The following CDC6 variants were observed in gnomAD, a reference collection of about 807,000 sequenced individuals.
CDC6 encodes cell division cycle 6.
A neutral mutation model predicts 60.2 loss-of-function variants in CDC6; 46 were observed. The observed-to-expected ratio is 0.76, with a 90% CI of 0.60 to 0.98. The LOEUF is 0.98. Among genes scored for constraint, CDC6 ranks in the 50% least tolerant of loss-of-function variants. CDC6 has a pLI of 0.00. For synonymous variants in CDC6, 210 were observed against 233.2 expected (o/e 0.90, Z 0.90); for missense variants, 596 against 652.9 (o/e 0.91, Z 0.95).
In CDC6 at chr17:40,302,311, T is replaced by G; in HGVS notation, c.*310T>G. The G allele has an allele frequency of 3.1e-6, 1 of 324,136 alleles. No homozygotes were observed. The allele number at this position is 324,136 out of a possible 1,614,324, so 20.1% of individuals were successfully genotyped here. A position where few individuals can be genotyped will look rare whatever the true frequency, so the allele number is the denominator to read the frequency against. On this transcript the variant is annotated 3_prime_UTR_variant, in exon 12 of 12. Coordinates refer to ENST00000209728, the MANE Select transcript of CDC6 (RefSeq NM_001254.4). The stretch of plus-strand genomic sequence containing the variant: ...GTAGAGGAATGTGTGTATATTTACC[T>G]CTTCGTTTGCTCAAACATGAGTGGG...
At position 40,302,283 on chromosome 17, in the gene CDC6, T is replaced by C. The variant is rs1255222930; in HGVS notation, c.*282T>C. On this transcript the variant is annotated 3_prime_UTR_variant, in exon 12 of 12. Coordinates refer to ENST00000209728, the MANE Select transcript of CDC6 (RefSeq NM_001254.4). ...CAATGTGCTTGCAAGTGTACAGATC[T>C]GTGTAGAGGAATGTGTGTATATTTA... is the stretch of plus-strand genomic sequence containing the variant. The C allele has an allele frequency of 2.4e-6, 1 of 419,144 alleles. No homozygotes were observed. The highest frequency in any genetic ancestry group is 4.4e-6 in the Non-Finnish European group (1 of 229,762). 26.0% of individuals were successfully genotyped at this position (419,144 alleles called of 1,614,324 possible). A position where few individuals can be genotyped will look rare whatever the true frequency, so the allele number is the denominator to read the frequency against.
intron 2 of CDC6, among the ~76,000 whole-genome samples, chr17:40,289,942 T>G (rs2032728573): frequency 6.6e-6 from 1 of 151,122 alleles, no homozygotes; most frequent in Non-Finnish European, 1.5e-5. Flanking sequence ...CAATCTGGTC[T>G]CTGAACTCCT....
chr17:40,294,317 T>C (rs1272772941), intron 6 of CDC6, 47 bp from the exon 7 acceptor site: 1 of 1,461,006 alleles, frequency 6.8e-7, no homozygotes, highest in Non-Finnish European at 9.6e-7. Context: ...TAGTTTTCCC[T>C]TTAGGATAAT....
chr17:40,299,730 C>T (rs1287660689), intron 9 of CDC6, among the ~76,000 whole-genome samples: 1 of 149,090 alleles, frequency 6.7e-6, no homozygotes, highest in African/African-American at 2.5e-5. Context: ...GAAACCCCAT[C>T]TCTACAAAAA....
At position 40,293,960 on chromosome 17, in the gene CDC6, T is replaced by C. The variant is rs757928939; in HGVS notation, c.847T>C (p.Leu283=). 1.9e-6 allele frequency: 3 copies of C among 1,612,896 alleles called. No individual in the cohort carries two copies. Among genetic ancestry groups the C allele is most frequent in the Admixed American group, 3.3e-5 (2 of 60,028 alleles). The change falls in exon 6 of 12, where the codon TTG becomes CTG. Residue 283 remains leucine (L), a synonymous_variant. Coordinates refer to ENST00000209728, the MANE Select transcript of CDC6 (RefSeq NM_001254.4). ...TTTCTCTTTTTATAGTGTGTTGGTA[T>C]TGGACGAGATGGATCAACTGGACAG... ...AEKGPMIVLV[L]DEMDQLDSKG... is the part of the protein sequence containing the mutation.
intron 11 of CDC6, 104 bp from the exon 12 acceptor site, chr17:40,301,808 C>G (rs1352521175): frequency 1.0e-6 from 1 of 972,812 alleles, no homozygotes; most frequent in Non-Finnish European, 1.6e-6. Flanking sequence ...GTTTAACTTG[C>G]TTGCCTTTTG....
chr17:40,293,867 G>C, intron 5 of CDC6, 83 bp from the exon 6 acceptor site: 1 of 1,227,794 alleles, frequency 8.1e-7, no homozygotes, highest in South Asian at 1.2e-5. Flanking sequence ...TCAGCTTTAG[G>C]AAAGTGACCT....
intron 8 of CDC6, 38 bp downstream of exon 8, chr17:40,295,494 A>AG (rs2032844432): frequency 1.5e-6 from 2 of 1,309,068 alleles, no homozygotes; most frequent in East Asian, 4.6e-5. Context: ...TATTAAAAAA[A>AG]AAAAAAAAGA....
chr17:40,294,642 A>C (rs2032831806), intron 7 of CDC6, 139 bp downstream of exon 7: 1 of 751,462 alleles, frequency 1.3e-6, no homozygotes, highest in African/African-American at 1.7e-5. Flanking sequence ...TAGTGAGAAC[A>C]TTTTTATGTG....
In CDC6 at chr17:40,295,388, A is replaced by G; in HGVS notation, c.1116A>G (p.Ala372=). The stretch of plus-strand genomic sequence containing the variant: ...GAGATCAGGTTCTGGACAATGCTGC[A>G]GTTCAATTCTGTGCCCGCAAAGTCT... ...VSRDQVLDNA[A]VQFCARKVSA... The change falls in exon 8 of 12, where the codon GCA becomes GCG. Residue 372 remains alanine (A), a synonymous_variant. Transcript: ENST00000209728. 6.2e-7 allele frequency: 1 copy of G among 1,613,612 alleles called. No individual in the cohort carries two copies. The highest frequency in any genetic ancestry group is 8.5e-7 in the Non-Finnish European group (1 of 1,179,598).
At chr17:40,295,200 G>A (rs558219778) in intron 7 of CDC6, among the ~76,000 whole-genome samples, 156 bp from the exon 8 acceptor site, 6 of 152,188 alleles carry the variant, frequency 3.9e-5, no homozygotes, top group South Asian at 2.1e-4. Context: ...ACTCTCAAAC[G>A]TCTCCATTAT....
intron 8 of CDC6, among the ~76,000 whole-genome samples, chr17:40,295,907 TCCTCCTGCC>T (rs1314859648): frequency 3.9e-5 from 6 of 152,012 alleles, no homozygotes; most frequent in Non-Finnish European, 7.4e-5. Context: ...TCCCTTCCCA[TCCTCCTGCC>T]CCTCCTGCTG....
chr17:40,301,372 A>C, intron 10 of CDC6, 96 bp from the exon 11 acceptor site: 1 of 1,164,696 alleles, frequency 8.6e-7, no homozygotes, highest in Non-Finnish European at 1.3e-6. Flanking sequence ...TATTCAGATA[A>C]GTTTTTGCAA....
chr17:40,293,388 T>C lies in CDC6; in HGVS notation c.661-68T>C. The C allele has an allele frequency of 2.1e-5, 26 of 1,226,144 alleles. No individual in the cohort carries two copies. In the South Asian group the frequency reaches 3.1e-4, roughly 14 times the overall value. 76.0% of individuals were successfully genotyped at this position (1,226,144 alleles called of 1,614,324 possible). On this transcript the variant is annotated intron_variant, in intron 4 of 11. Transcript: ENST00000209728. Reference sequence around the variant, plus strand: ...CGTGCTGTTAGCTCTTCAAAGACATTTTAGGCTCTATCAGATCTTTATTTT... The same window carrying C: ...CGTGCTGTTAGCTCTTCAAAGACATCTTAGGCTCTATCAGATCTTTATTTT...
chr17:40,291,279 T>G lies in CDC6; in HGVS notation c.400T>G (p.Ser134Ala), dbSNP rs1167298335. The G allele has an allele frequency of 1.2e-6, 2 of 1,614,136 alleles. No individual in the cohort carries two copies. Among genetic ancestry groups the G allele is most frequent in the Admixed American group, 1.7e-5 (1 of 60,026 alleles). The change falls in exon 3 of 12, where the codon TCT (serine) becomes GCT (alanine). Residue 134 changes from serine to alanine, a missense_variant. Coordinates refer to ENST00000209728, the MANE Select transcript of CDC6 (RefSeq NM_001254.4). ...AAAAAGTCAAGAGATCACAACAAAT[T>G]CTGAGCAGAGATGTCCACTGAAGAA... is the stretch of plus-strand genomic sequence containing the variant. ...VRKSQEITTNSEQRCPLKKES... is the reference protein window; with the variant it reads ...VRKSQEITTNAEQRCPLKKES...
intron 8 of CDC6, 73 bp from the exon 9 acceptor site, chr17:40,296,630 C>T (rs1348986856): frequency 1.1e-5 from 9 of 848,018 alleles, no homozygotes; most frequent in Non-Finnish European, 1.6e-5. Context: ...ATTAATGTGC[C>T]GCTTTTGAGG....
intron 10 of CDC6, 94 bp from the exon 11 acceptor site, chr17:40,301,373 GT>G: frequency 8.0e-7 from 1 of 1,251,036 alleles, no homozygotes; most frequent in Non-Finnish European, 1.2e-6. Flanking sequence ...ATTCAGATAA[GT>G]TTTTGCAAAC....
chr17:40,301,123 G>A (rs1466014611), intron 10 of CDC6, 93 bp downstream of exon 10: 1 of 884,386 alleles, frequency 1.1e-6, no homozygotes, highest in Admixed American at 1.8e-5. Flanking sequence ...TACTTCAGCT[G>A]ATAATAAATT....
At position 40,301,512 on chromosome 17, in the gene CDC6, G is replaced by T; in HGVS notation, c.1497G>T (p.Ala499=). 6.2e-7 allele frequency: 1 copy of T among 1,613,662 alleles called. No homozygotes were observed. The highest frequency in any genetic ancestry group is 1.1e-5 in the South Asian group (1 of 91,080). Residue 499 remains alanine (A), a synonymous_variant, in exon 11 of 12, where the codon GCG becomes GCT. Transcript: ENST00000209728. ...YSKVCRKQQV[A]AVDQSECLSL... ...AAGTCTGTCGCAAACAGCAGGTGGC[G>T]GCTGTGGACCAGTCAGAGTGTTTGT...
Sources: allele counts gnomAD v4.1 joint callset (sites outside exome capture counted in the v4.1 genomes callset), GRCh38; gene constraint gnomAD v4.1.1; transcripts MANE v1.5; gene names NCBI Gene and HGNC (gene_info 2026-07-23, HGNC 2026-07-21).